POU2F2: variants seen among roughly 807,000 people sequenced by gnomAD.
POU2F2 encodes the protein POU class 2 homeobox 2.
A neutral mutation model predicts 63.5 loss-of-function variants in POU2F2; 14 were observed. That is an observed-to-expected ratio of 0.22 (90% CI 0.15 to 0.34). The LOEUF is 0.34. Ranked by LOEUF, POU2F2 falls within the 10% of genes least tolerant of loss-of-function variation. The probability of loss-of-function intolerance (pLI) is 1.00; values close to 1 mark genes in which losing one functional copy is unlikely to be tolerated. For synonymous variants in POU2F2, 306 were observed against 348.6 expected, an observed-to-expected ratio of 0.88 and a Z score of 1.36; for missense variants, 607 against 815.2, an observed-to-expected ratio of 0.74 and a Z score of 3.11.
At chr19:42,197,917 T>C (rs1412266398), upstream of POU2F2, among the ~76,000 whole-genome samples, 1 of 152,110 alleles carries the variant, frequency 6.6e-6, no homozygotes, top group Non-Finnish European at 1.5e-5. Flanking sequence ...AGCTCACGCC[T>C]GTAATCCCAG....
chr19:42,103,279 A>G (rs920801130), intron 5 of POU2F2, among the ~76,000 whole-genome samples: 3 of 152,012 alleles, frequency 2.0e-5, no homozygotes, highest in Admixed American at 6.6e-5. Context: ...TTACTCATTC[A>G]TGACATGCCC....
At chr19:42,120,689 A>G (rs1422834638) in intron 4 of POU2F2, among the ~76,000 whole-genome samples, 1 of 152,222 alleles carries the variant, frequency 6.6e-6, no homozygotes, top group Non-Finnish European at 1.5e-5. Context: ...CCATTTAAAA[A>G]ACATTTATTT....
Position 42,087,267 on chromosome 19 carries a change from G to A in POU2F2, c.*3990C>T, listed in dbSNP as rs1410315706. The A allele has an allele frequency of 6.6e-6, 1 of 151,464 alleles. No homozygotes were observed. Among genetic ancestry groups the A allele is most frequent in the Non-Finnish European group, 1.5e-5 (1 of 67,944 alleles). The allele number at this position is 151,464 out of a possible 1,614,324, so 9.4% of individuals were successfully genotyped here. ...CCCGCGTGTCTCAATCTTGCTGTCTGTCTCACTCTCTCTCTCACTCAGGTC... is the reference window on the plus strand; with the variant it reads ...CCCGCGTGTCTCAATCTTGCTGTCTATCTCACTCTCTCTCTCACTCAGGTC... On this transcript the variant is annotated 3_prime_UTR_variant, in exon 15 of 15. Coordinates refer to ENST00000692977, the MANE Select transcript of POU2F2 (RefSeq NM_001394376.1).
chr19:42,154,959 C>T (rs1361869774), intron 2 of POU2F2, among the ~76,000 whole-genome samples: 1 of 152,128 alleles, frequency 6.6e-6, no homozygotes, highest in Admixed American at 6.5e-5. Flanking sequence ...GTAGGGAGAG[C>T]AGTACATCCC....
chr19:42,121,397 A>G (rs1279460639), intron 4 of POU2F2, among the ~76,000 whole-genome samples: 1 of 152,042 alleles, frequency 6.6e-6, no homozygotes, highest in Non-Finnish European at 1.5e-5. Flanking sequence ...CCCCTGACCA[A>G]TGATACTGAA....
upstream of POU2F2, chr19:42,133,380 C>G (rs946429056): frequency 6.5e-6 from 1 of 152,886 alleles, no homozygotes; most frequent in Non-Finnish European, 1.5e-5. The surrounding 1 kb of genome is among the most constrained non-coding windows in gnomAD (Gnocchi z 5.1). Context: ...CACAAAGGCG[C>G]AGGACTCCCG....
At chr19:42,149,360 T>A (rs2034295295) in intron 2 of POU2F2, among the ~76,000 whole-genome samples, 1 of 152,152 alleles carries the variant, frequency 6.6e-6, no homozygotes. Flanking sequence ...GTTCTGCTGA[T>A]GTTCCAAGGA....
intron 2 of POU2F2, among the ~76,000 whole-genome samples, chr19:42,157,734 G>T (rs1248101081): frequency 6.6e-6 from 1 of 152,196 alleles, no homozygotes; most frequent in Non-Finnish European, 1.5e-5. Context: ...CCAGCCCATG[G>T]GTCAAGAAAG....
At chr19:42,093,009 ATTTTT>A (rs1201422267) in intron 12 of POU2F2, among the ~76,000 whole-genome samples, 47 of 47,194 alleles carry the variant, frequency 1.0e-3, no homozygotes, top group African/African-American at 3.2e-3. Flanking sequence ...ATATATATAT[ATTTTT>A]TTTTTTTTTT....
intron 1 of POU2F2, among the ~76,000 whole-genome samples, chr19:42,126,717 C>T (rs966796725): frequency 5.3e-5 from 8 of 152,204 alleles, no homozygotes; most frequent in African/African-American, 1.9e-4. Flanking sequence ...GCTGTCCCAT[C>T]CCTGAGCCCC....
chr19:42,106,184 CA>C (rs1416942060), intron 5 of POU2F2, among the ~76,000 whole-genome samples: 1 of 151,938 alleles, frequency 6.6e-6, no homozygotes, highest in Non-Finnish European at 1.5e-5. Context: ...TGGCTCACTG[CA>C]ACCTCTGCCT....
intron 2 of POU2F2, among the ~76,000 whole-genome samples, chr19:42,150,075 C>T (rs1455845927): frequency 6.6e-6 from 1 of 152,188 alleles, no homozygotes; most frequent in African/African-American, 2.4e-5. Flanking sequence ...CTGTTCTTGT[C>T]CCCTGCTGGC....
At chr19:42,102,709 A>G (rs1014801008) in intron 5 of POU2F2, among the ~76,000 whole-genome samples, 1 of 151,944 alleles carries the variant, frequency 6.6e-6, no homozygotes, top group Admixed American at 6.6e-5. Flanking sequence ...TCCTCCACCC[A>G]CCAAAAAAAG....
chr19:42,148,539 C>T (rs2146766731), intron 2 of POU2F2, among the ~76,000 whole-genome samples: 1 of 152,230 alleles, frequency 6.6e-6, no homozygotes, highest in Middle Eastern at 3.4e-3. Flanking sequence ...TAATGTAGAC[C>T]TTGTTGGTGT....
Position 42,091,396 on chromosome 19 carries a change from G to A in POU2F2, c.1736C>T (p.Ala579Val). 1 of 1,545,116 alleles carries A rather than the reference G, an allele frequency of 6.5e-7. No homozygotes were observed. The highest frequency in any genetic ancestry group is 8.7e-7 in the Non-Finnish European group (1 of 1,146,884). Reference protein sequence around the residue: ...LVSAAAAAVAASISSKSPGLS... With the variant: ...LVSAAAAAVAVSISSKSPGLS... ...GCCAGGAGACTTGCTGGAGATGGAGGCTGCCACAGCCGCAGCCGCTGCTGA... is the reference window on the plus strand; with the variant it reads ...GCCAGGAGACTTGCTGGAGATGGAGACTGCCACAGCCGCAGCCGCTGCTGA... The change falls in exon 15 of 15, where the codon GCC (alanine) becomes GTC (valine). Residue 579 changes from alanine to valine, a missense_variant. By Grantham distance (64) the Ala-to-Val change is moderately conservative (BLOSUM62 0). Transcript: ENST00000692977.
chr19:42,113,463 T>G (rs1363768493), intron 5 of POU2F2, among the ~76,000 whole-genome samples: 4 of 152,336 alleles, frequency 2.6e-5, no homozygotes, highest in Middle Eastern at 3.4e-3. Flanking sequence ...CAGGGAAGGA[T>G]CCTGCCAAAC....
intron 1 of POU2F2, among the ~76,000 whole-genome samples, chr19:42,167,435 C>T (rs1383033876): frequency 2.7e-5 from 4 of 148,364 alleles, no homozygotes; most frequent in African/African-American, 1.0e-4. Context: ...GCCTGGGCAA[C>T]AGAGCAACAC....
At chr19:42,173,805 C>T (rs1055875415) in intron 1 of POU2F2, among the ~76,000 whole-genome samples, 1 of 152,158 alleles carries the variant, frequency 6.6e-6, no homozygotes, top group Non-Finnish European at 1.5e-5. Flanking sequence ...CACATGCCAG[C>T]ACAGCCTCAG....
rs1161091663 is a variant in POU2F2 at position 42,095,638 on chromosome 19, G to C, written c.927C>G (p.Ser309Arg). ...LPSPNQLSSP[S>R]LGFDGLPGRR... ...GGCCGGGCAGGCCGTCGAAACCCAG[G>C]CTGGGGCTGCTCAGCTGGTTGGGGC... is the stretch of plus-strand genomic sequence containing the variant. The change falls in exon 10 of 15, where the codon AGC becomes AGG. Residue 309 changes from serine to arginine, a missense_variant. Physicochemically the swap from Ser to Arg is moderately radical, Grantham distance 110. Transcript: ENST00000692977. This position sits in a 1 kb window ranked among gnomAD's most constrained non-coding sequence, Gnocchi z 7.1. 1 of 1,613,050 alleles carries C rather than the reference G, an allele frequency of 6.2e-7. No individual in the cohort carries two copies. Among genetic ancestry groups the C allele is most frequent in the Non-Finnish European group, 8.5e-7 (1 of 1,179,874 alleles).
Sources: gnomAD v4.1 joint callset for allele counts (sites outside exome capture counted in the v4.1 genomes callset) on GRCh38, gnomAD v4.1.1 for gene constraint, Gnocchi (gnomAD v3.1) non-coding constraint, MANE v1.5 for transcripts, NCBI Gene and HGNC (gene_info 2026-07-23, HGNC 2026-07-21) for gene names.